Variants in FHIT observed in about 807,000 individuals in gnomAD.
The protein encoded by FHIT is bis(5'-adenosyl)-triphosphatase.
A neutral mutation model predicts 17.9 loss-of-function variants in FHIT; 19 were observed. That is an observed-to-expected ratio of 1.06 (90% CI 0.74 to 1.56). FHIT has a LOEUF of 1.56. Ranked by LOEUF, FHIT falls within the 40% of genes most tolerant of loss-of-function variation. The probability of loss-of-function intolerance (pLI) is 0.00; values close to 1 mark genes in which losing one functional copy is unlikely to be tolerated. For missense variants in FHIT, 248 were observed against 189.2 expected (o/e 1.31, Z -1.82); for synonymous variants, 81 against 69.7 (o/e 1.16, Z -0.81).
chr3:61,020,022 C>A (rs554386742), intron 3 of FHIT, among the ~76,000 whole-genome samples: 16 of 152,292 alleles, frequency 1.1e-4, no homozygotes, highest in African/African-American at 3.6e-4. Flanking sequence ...CCTAGCCCCA[C>A]AAACCCTGAC....
chr3:59,769,987 ATGC>A (rs1701999104), intron 8 of FHIT, among the ~76,000 whole-genome samples: 1 of 152,216 alleles, frequency 6.6e-6, no homozygotes, highest in Non-Finnish European at 1.5e-5. Flanking sequence ...CAACTGCTCT[ATGC>A]ATTGCCTTTT....
At chr3:60,159,593 G>T (rs12638728) in intron 5 of FHIT, among the ~76,000 whole-genome samples, 19,548 of 152,168 alleles carry the variant, frequency 0.13, 1,483 homozygotes, top group African/African-American at 0.21. Context: ...TTTTAGTACA[G>T]TAATAGTAAC....
chr3:61,202,909 G>A (rs980887800), intron 1 of FHIT, among the ~76,000 whole-genome samples: 12 of 151,918 alleles, frequency 7.9e-5, no homozygotes, highest in East Asian at 7.7e-4. Context: ...GGCCGGGCGC[G>A]GTGGCTCACT....
chr3:61,089,409 C>T (rs2035408927), intron 2 of FHIT, among the ~76,000 whole-genome samples: 1 of 152,168 alleles, frequency 6.6e-6, no homozygotes, highest in Admixed American at 6.6e-5. Flanking sequence ...TCCTCCAGTG[C>T]CTGGCAGCTA....
intron 2 of FHIT, among the ~76,000 whole-genome samples, chr3:61,090,661 T>C (rs892015080): frequency 2.6e-5 from 4 of 152,012 alleles, no homozygotes; most frequent in Non-Finnish European, 4.4e-5. Flanking sequence ...TGTGTGTGTG[T>C]AGAGATAAAG....
Position 60,126,329 on chromosome 3 carries a change from C to G in FHIT, c.104-112177G>C, listed in dbSNP as rs1160820407. ...CCACCAGTGCCTCTCTATATCGTCC[C>G]TTTATAAAGAAGTTCTCTGGAGCGC... On this transcript the variant is annotated intron_variant, in intron 5 of 9. Transcript: ENST00000492590. 3.3e-5 allele frequency among the ~76,000 whole-genome samples: 5 copies of G among 152,122 alleles called. No homozygotes were observed. In the East Asian group the frequency reaches 9.7e-4, roughly 29 times the overall value.
intron 2 of FHIT, among the ~76,000 whole-genome samples, chr3:61,092,524 T>C (rs2035517869): frequency 1.3e-5 from 2 of 151,910 alleles, no homozygotes; most frequent in Non-Finnish European, 2.9e-5. Flanking sequence ...TATATACTGC[T>C]TGCTGACAAT....
At chr3:60,585,822 G>T (rs1553661556) in intron 4 of FHIT, among the ~76,000 whole-genome samples, 31 of 151,714 alleles carry the variant, frequency 2.0e-4, no homozygotes. Context: ...CACTATTATA[G>T]GCATTATTAC....
chr3:59,899,478 T>C (rs904867714), intron 8 of FHIT, among the ~76,000 whole-genome samples: 4 of 152,176 alleles, frequency 2.6e-5, no homozygotes, highest in Non-Finnish European at 5.9e-5. Flanking sequence ...CCATGAGGCT[T>C]GCCTAGCTTC....
intron 1 of FHIT, among the ~76,000 whole-genome samples, chr3:61,204,618 T>C (rs2039148357): frequency 7.2e-6 from 1 of 138,490 alleles, no homozygotes; most frequent in Non-Finnish European, 1.6e-5. Flanking sequence ...AGTACATCTG[T>C]TAAAATTTTA....
At chr3:60,736,044 A>G (rs981180355) in intron 4 of FHIT, among the ~76,000 whole-genome samples, 16 of 152,184 alleles carry the variant, frequency 1.1e-4, no homozygotes, top group Non-Finnish European at 2.9e-5. Flanking sequence ...ACATGAAAAA[A>G]CTGTTGAACA....
At chr3:59,752,615 C>T (rs1700980396) in intron 8 of FHIT, among the ~76,000 whole-genome samples, 1 of 152,088 alleles carries the variant, frequency 6.6e-6, no homozygotes, top group South Asian at 2.1e-4. Flanking sequence ...TCCCCAGTGT[C>T]AGAGGTGGGG....
chr3:60,064,589 G>C (rs1340876295), intron 5 of FHIT, among the ~76,000 whole-genome samples: 4 of 152,198 alleles, frequency 2.6e-5, no homozygotes, highest in African/African-American at 9.6e-5. Context: ...CTCTAGAGCT[G>C]TCATAGCTAT....
chr3:61,210,331 G>C (rs1347038904), intron 1 of FHIT, among the ~76,000 whole-genome samples: 1 of 152,220 alleles, frequency 6.6e-6, no homozygotes. Flanking sequence ...TCTCTTCAAA[G>C]CTGTCAGACA....
At chr3:59,794,877 C>T (rs184690120) in intron 8 of FHIT, among the ~76,000 whole-genome samples, 174 of 152,166 alleles carry the variant, frequency 1.1e-3, no homozygotes, top group African/African-American at 4.0e-3. Context: ...TTTGGTTAAG[C>T]GTATAGACTC....
At chr3:59,759,383 G>C (rs1322182819) in intron 8 of FHIT, among the ~76,000 whole-genome samples, 2 of 152,132 alleles carry the variant, frequency 1.3e-5, no homozygotes, top group Non-Finnish European at 1.5e-5. Context: ...AGAAGAGAAA[G>C]TTTGGGAGAG....
intron 5 of FHIT, among the ~76,000 whole-genome samples, chr3:60,259,471 C>G (rs1246513767): frequency 1.3e-5 from 2 of 152,122 alleles, no homozygotes; most frequent in Non-Finnish European, 2.9e-5. Flanking sequence ...TACAAAACAT[C>G]AAAACATTCT....
intron 5 of FHIT, among the ~76,000 whole-genome samples, chr3:60,338,549 C>T (rs188744667): frequency 5.9e-5 from 9 of 152,160 alleles, no homozygotes; most frequent in African/African-American, 2.2e-4. Flanking sequence ...GTTTCTTATA[C>T]CTAGAATTGA....
chr3:60,503,989 G>T (rs141479572), intron 5 of FHIT, among the ~76,000 whole-genome samples: 2 of 152,018 alleles, frequency 1.3e-5, no homozygotes, highest in African/African-American at 2.4e-5. Flanking sequence ...CTTATTTTAC[G>T]TATCACCAGA....
Sources: allele counts gnomAD v4.1 joint callset (sites outside exome capture counted in the v4.1 genomes callset), GRCh38; gene constraint gnomAD v4.1.1; transcripts MANE v1.5; gene names NCBI Gene and HGNC (gene_info 2026-07-23, HGNC 2026-07-21).